Variants in CEP152 observed in about 807,000 individuals in gnomAD.
CEP152 encodes centrosomal protein of 152 kDa.
Under a neutral mutation model 188.9 loss-of-function variants are expected in CEP152, and 132 were observed. The observed-to-expected ratio is 0.70, with a 90% confidence interval of 0.61 to 0.81. CEP152 has a LOEUF of 0.81. Ranked by LOEUF, CEP152 falls within the 30% of genes least tolerant of loss-of-function variation. CEP152 has a pLI of 0.00. For synonymous variants in CEP152, 649 were observed against 666.6 expected, an observed-to-expected ratio of 0.97 and a Z score of 0.41; for missense variants, 1,914 against 1,969.8, an observed-to-expected ratio of 0.97 and a Z score of 0.54.
At chr15:48,730,754 G>A (rs998968407) in intron 2 of CEP152, among the ~76,000 whole-genome samples, 1 of 152,110 alleles carries the variant, frequency 6.6e-6, no homozygotes, top group African/African-American at 2.4e-5. Context: ...AACTAGAAAT[G>A]CAAATTAAAA....
chr15:48,807,894 G>A (rs1898086966), intron 1 of CEP152, among the ~76,000 whole-genome samples: 2 of 56,750 alleles, frequency 3.5e-5, no homozygotes, highest in Admixed American at 2.6e-4. Flanking sequence ...GAATACTTAG[G>A]GTTTTGTTTT....
chr15:48,735,445 C>T (rs928476842), downstream of CEP152, among the ~76,000 whole-genome samples: 4 of 152,046 alleles, frequency 2.6e-5, no homozygotes, highest in Admixed American at 6.6e-5. Context: ...CTTTAAGAAT[C>T]GATGAAGGGC....
At chr15:48,772,787 G>C in intron 12 of CEP152, 96 bp from the exon 13 acceptor site, 1 of 1,019,272 alleles carries the variant, frequency 9.8e-7, no homozygotes, top group African/African-American at 1.6e-5. Flanking sequence ...AACATGTTTT[G>C]TCACCTATAC....
In CEP152 at chr15:48,774,484, C is replaced by A. The variant is rs115194425; in HGVS notation, c.1578-1793G>T. On this transcript the variant is annotated intron_variant, in intron 12 of 26. Coordinates refer to ENST00000380950, the MANE Select transcript of CEP152 (RefSeq NM_001194998.2). Reference sequence around the variant, plus strand: ...AGGAAGACTCCCGGAGAGAAAAGAACCAGAGAAAGGAATCCTGAATTCTGT... The same window carrying A: ...AGGAAGACTCCCGGAGAGAAAAGAAACAGAGAAAGGAATCCTGAATTCTGT... Among the ~76,000 whole-genome samples, 538 of 152,212 alleles carry A rather than the reference C, an allele frequency of 3.5e-3. 4 individuals are homozygous for A. The highest frequency in any genetic ancestry group is 0.012 in the African/African-American group (515 of 41,532).
At position 48,753,378 on chromosome 15, in the gene CEP152, C is replaced by T. The variant is rs374866510; in HGVS notation, c.3346-909G>A. Among the ~76,000 whole-genome samples, 9 of 152,200 alleles carry T rather than the reference C, an allele frequency of 5.9e-5. No homozygotes were observed. The East Asian group carries it at 1.4e-3, about 23-fold the overall frequency. ...TTCAGATTTAAGATGACTACTAAAT[C>T]GGAAAGGAACAGAATAGGTGGTATG... On this transcript the variant is annotated intron_variant, in intron 20 of 26. Transcript: ENST00000380950.
intron 13 of CEP152, among the ~76,000 whole-genome samples, chr15:48,770,850 T>G (rs1452932889): frequency 6.6e-6 from 1 of 152,200 alleles, no homozygotes; most frequent in Non-Finnish European, 1.5e-5. Flanking sequence ...GCAAAAACAC[T>G]GTTTTTCCAA....
chr15:48,750,142 C>G (rs1893769473), intron 21 of CEP152, among the ~76,000 whole-genome samples: 1 of 152,002 alleles, frequency 6.6e-6, no homozygotes, highest in South Asian at 2.1e-4. Flanking sequence ...TTCTTCGCAA[C>G]TATTTTTCTT....
In CEP152 at chr15:48,761,296, G is replaced by A. The variant is rs79740442; in HGVS notation, c.2563-1030C>T. On this transcript the variant is annotated intron_variant, in intron 18 of 26. Transcript: ENST00000380950. Reference sequence around the variant, plus strand: ...CTTTAAAGGTGCCCTGTAAAATCACGTAGAACAATGTAACAAATAAGCAGA... The same window carrying A: ...CTTTAAAGGTGCCCTGTAAAATCACATAGAACAATGTAACAAATAAGCAGA... 4.3e-3 allele frequency among the ~76,000 whole-genome samples: 660 copies of A among 152,158 alleles called. 8 individuals are homozygous for A. The highest frequency in any genetic ancestry group is 0.015 in the African/African-American group (641 of 41,502).
chr15:48,799,824 T>C (rs1318148433), intron 2 of CEP152, among the ~76,000 whole-genome samples: 6 of 152,238 alleles, frequency 3.9e-5, no homozygotes, highest in Non-Finnish European at 7.3e-5. Flanking sequence ...GTTGCATCTA[T>C]GAGGTCTTTT....
intron 20 of CEP152, 108 bp from the exon 21 acceptor site, chr15:48,752,577 A>G: frequency 1.3e-6 from 2 of 1,496,892 alleles, no homozygotes; most frequent in South Asian, 1.3e-5. Context: ...CCTGAAAAAA[A>G]TCTTGCCTGA....
rs148349276 is a variant in CEP152, at chr15:48,751,516, G to T, written c.3466+833C>A. On this transcript the variant is annotated intron_variant, in intron 21 of 26. Coordinates refer to ENST00000380950, the MANE Select transcript of CEP152 (RefSeq NM_001194998.2). ...TAGGCAGAGATTCTCTAAGATTCTG[G>T]TAACATTGCCTTCTGAATTAGAAAT... Among the ~76,000 whole-genome samples, 597 of 152,250 alleles carry T rather than the reference G, an allele frequency of 3.9e-3. 3 individuals are homozygous for T. Among genetic ancestry groups the T allele is most frequent in the Middle Eastern group, 6.8e-3 (2 of 294 alleles).
chr15:48,807,640 TTC>T (rs1173975518), intron 1 of CEP152, among the ~76,000 whole-genome samples: 1 of 152,132 alleles, frequency 6.6e-6, no homozygotes, highest in Non-Finnish European at 1.5e-5. Flanking sequence ...AAAAAATCCT[TTC>T]TGTTTCTGAA....
chr15:48,774,368 T>C (rs961320695), intron 12 of CEP152, among the ~76,000 whole-genome samples: 2 of 152,060 alleles, frequency 1.3e-5, no homozygotes, highest in Non-Finnish European at 2.9e-5. Flanking sequence ...CCCAGAAGTT[T>C]GGTGAATCTC....
In CEP152 at chr15:48,751,134, T is replaced by C. The variant is rs188112826; in HGVS notation, c.3466+1215A>G. Among the ~76,000 whole-genome samples, 99 of 152,340 alleles carry C rather than the reference T, an allele frequency of 6.5e-4. 1 individual carries two copies. Among genetic ancestry groups the C allele is most frequent in the African/African-American group, 1.7e-3 (70 of 41,582 alleles). ...TTAAAGGACTTTATCACTTAATACA[T>C]GTTTTGTATTATTTAATCCTTTCTA... On this transcript the variant is annotated intron_variant, in intron 21 of 26. Transcript: ENST00000380950.
At position 48,756,309 on chromosome 15, in the gene CEP152, C is replaced by T. The variant is rs1042361244; in HGVS notation, c.2939G>A (p.Arg980Gln). Reference sequence around the variant, plus strand: ...ATTTCGGTGATCATCTAAAAATTGCCGGTAATCTTGCTCATTTTGTTCTTG... The same window carrying T: ...ATTTCGGTGATCATCTAAAAATTGCTGGTAATCTTGCTCATTTTGTTCTTG... ...RIQEQNEQDYRQFLDDHRNKI... is the reference protein window; with the variant it reads ...RIQEQNEQDYQQFLDDHRNKI... The change falls in exon 20 of 27, where the codon CGG becomes CAG. Residue 980 changes from arginine to glutamine, a missense_variant. By Grantham distance (43) the Arg-to-Gln change is conservative (BLOSUM62 1). Coordinates refer to ENST00000380950, the MANE Select transcript of CEP152 (RefSeq NM_001194998.2). 12 of 1,575,074 alleles carry T rather than the reference C, an allele frequency of 7.6e-6. No individual in the cohort carries two copies. Among genetic ancestry groups the T allele is most frequent in the Admixed American group, 1.9e-5 (1 of 52,950 alleles).
intron 2 of CEP152, among the ~76,000 whole-genome samples, chr15:48,804,727 T>G (rs778054594): frequency 6.6e-6 from 1 of 152,262 alleles, no homozygotes; most frequent in Non-Finnish European, 1.5e-5. Flanking sequence ...TGCAGCCTTC[T>G]GAAAGATCTT....
chr15:48,734,212 C>CATAT (rs59095753), downstream of CEP152, among the ~76,000 whole-genome samples: 9 of 147,744 alleles, frequency 6.1e-5, no homozygotes, highest in Middle Eastern at 7.1e-3. Context: ...TATACATATA[C>CATAT]ATATATATAT....
intron 2 of CEP152, among the ~76,000 whole-genome samples, chr15:48,798,372 G>A (rs1340130975): frequency 1.3e-5 from 2 of 151,824 alleles, no homozygotes; most frequent in African/African-American, 2.4e-5. Context: ...AATGCATTAT[G>A]TTATCACAGG....
rs566977416 is a variant in CEP152 at position 48,783,900 on chromosome 15, A to G, written c.1321+73T>C. On this transcript the variant is annotated intron_variant, in intron 10 of 26. Coordinates refer to ENST00000380950, the MANE Select transcript of CEP152 (RefSeq NM_001194998.2). ...TGTCCCTTCTGGATTTTTACAAGTC[A>G]TGGATCCTACTACATTCTTTCTGCA... 10 of 1,471,530 alleles carry G rather than the reference A, an allele frequency of 6.8e-6. No individual in the cohort carries two copies. In the South Asian group the frequency reaches 1.2e-4, roughly 17 times the overall value. 91.2% of individuals were successfully genotyped at this position (1,471,530 alleles called of 1,614,324 possible).
Sources: gnomAD v4.1 joint callset for allele counts (sites outside exome capture counted in the v4.1 genomes callset) on GRCh38, gnomAD v4.1.1 for gene constraint, MANE v1.5 for transcripts, NCBI Gene and HGNC (gene_info 2026-07-23, HGNC 2026-07-21) for gene names.